MCTP2: variants seen among roughly 807,000 people sequenced by gnomAD.
The protein encoded by MCTP2 is multiple C2 and transmembrane domain containing 2, also known as multiple C2 and transmembrane domain-containing protein 2.
MCTP2 carries 132 observed loss-of-function variants against 111.6 expected under a neutral mutation model. The observed-to-expected ratio is 1.18, with a 90% CI of 1.03 to 1.37. The LOEUF is 1.37. Ranked by LOEUF, MCTP2 falls within the 40% of genes most tolerant of loss-of-function variation. MCTP2 has a pLI of 0.00. For missense variants in MCTP2, 1,183 were observed against 1,067.9 expected (o/e 1.11, Z -1.50); for synonymous variants, 395 against 387.7 (o/e 1.02, Z -0.22).
At chr15:94,409,830 C>G (rs2082072974) in intron 17 of MCTP2, among the ~76,000 whole-genome samples, 1 of 151,682 alleles carries the variant, frequency 6.6e-6, no homozygotes, top group Non-Finnish European at 1.5e-5. Context: ...ACTCGTAAGT[C>G]TATCAACCCT....
chr15:94,399,973 A>ACAG lies in MCTP2; in HGVS notation c.1945_1947dup (p.Ser649dup). The ACAG allele has an allele frequency of 6.2e-7, 1 of 1,614,026 alleles. No homozygotes were observed. Among genetic ancestry groups the ACAG allele is most frequent in the South Asian group, 1.1e-5 (1 of 91,078 alleles). Reference sequence around the variant, plus strand: ...CCCCGGGAAAAGCGCTTTGTTGAAGACAGCCGCAAGCTGTCCAAAAAGGTG... The same window carrying ACAG: ...CCCCGGGAAAAGCGCTTTGTTGAAGACAGCAGCCGCAAGCTGTCCAAAAAGGTG... On this transcript the variant is annotated inframe_insertion, in exon 16 of 23. Transcript: ENST00000357742.
In MCTP2 at chr15:94,476,754, A is replaced by G. The variant is rs747469928; in HGVS notation, c.2529A>G (p.Leu843=). 6.2e-7 allele frequency: 1 copy of G among 1,609,478 alleles called. No individual in the cohort carries two copies. The highest frequency in any genetic ancestry group is 8.5e-7 in the Non-Finnish European group (1 of 1,175,898). The change falls in exon 22 of 23, where the codon CTA becomes CTG. Residue 843 remains leucine, a synonymous_variant. Coordinates refer to ENST00000357742, the MANE Select transcript of MCTP2 (RefSeq NM_001385001.1). ...CCTATTCCATCGACAATAATGAGCT[A>G]CTAGACTTCCTCTCTAGGGTACCGT... The part of the protein sequence containing the change: ...RNPYSIDNNE[L]LDFLSRVPSD...
chr15:94,402,324 A>G lies in MCTP2; in HGVS notation c.2085+305A>G, dbSNP rs2081639791. ...CTTTCTGTGCCAGTGACCGCCCATA[A>G]TTTCTGAAAAATGGCATCTGAAAAA... is the stretch of plus-strand genomic sequence containing the variant. On this transcript the variant is annotated intron_variant, in intron 17 of 22. Transcript: ENST00000357742. 3.0e-6 allele frequency: 3 copies of G among 985,354 alleles called. No homozygotes were observed. The South Asian group carries it at 1.4e-4, about 46-fold the overall frequency. The allele number at this position is 985,354 out of a possible 1,614,324, so 61.0% of individuals were successfully genotyped here.
intron 14 of MCTP2, among the ~76,000 whole-genome samples, chr15:94,397,574 G>A (rs1280599094): frequency 6.6e-6 from 1 of 152,180 alleles, no homozygotes; most frequent in Non-Finnish European, 1.5e-5. Context: ...TCTTTATGGG[G>A]CACCCCCTTC....
At chr15:94,464,720 A>T (rs917753355) in intron 20 of MCTP2, among the ~76,000 whole-genome samples, 2 of 152,006 alleles carry the variant, frequency 1.3e-5, no homozygotes, top group African/African-American at 4.8e-5. Flanking sequence ...TCTCATTATC[A>T]TTCAAATTTA....
At chr15:94,458,047 C>G in intron 19 of MCTP2, 90 bp from the exon 20 acceptor site, 1 of 724,520 alleles carries the variant, frequency 1.4e-6, no homozygotes, top group Non-Finnish European at 2.4e-6. Context: ...TTGGTAAAAA[C>G]CTTGTTATTA....
intron 8 of MCTP2, among the ~76,000 whole-genome samples, chr15:94,347,522 C>G (rs572955257): frequency 6.6e-6 from 1 of 152,096 alleles, no homozygotes; most frequent in East Asian, 1.9e-4. Flanking sequence ...TTTGTAGATT[C>G]TTTTTTTCAA....
At chr15:94,273,562 T>C in intron 1 of MCTP2, 1 of 200,506 alleles carries the variant, frequency 5.0e-6, no homozygotes, top group Non-Finnish European at 1.1e-5. Flanking sequence ...CAATGCCCCC[T>C]CGCAGGTATG....
At chr15:94,268,973 T>C (rs554181219) in intron 1 of MCTP2, among the ~76,000 whole-genome samples, 18 of 152,302 alleles carry the variant, frequency 1.2e-4, no homozygotes, top group African/African-American at 4.1e-4. Context: ...TTTAAACTAT[T>C]AGCATAAGGG....
intron 1 of MCTP2, among the ~76,000 whole-genome samples, chr15:94,244,980 A>G (rs1316418398): frequency 7.0e-6 from 1 of 142,434 alleles, no homozygotes; most frequent in Non-Finnish European, 1.6e-5. Flanking sequence ...ATACACATAC[A>G]TATGCACCTG....
chr15:94,357,417 G>C (rs1280410087), intron 9 of MCTP2, among the ~76,000 whole-genome samples: 1 of 152,114 alleles, frequency 6.6e-6, no homozygotes, highest in African/African-American at 2.4e-5. Flanking sequence ...TAAGGATTTA[G>C]GAAAAATTAT....
chr15:94,256,407 A>C (rs1164496641), intron 1 of MCTP2, among the ~76,000 whole-genome samples: 5 of 152,176 alleles, frequency 3.3e-5, no homozygotes, highest in Admixed American at 6.5e-5. Flanking sequence ...GTAGGAATAA[A>C]ATATACCACC....
chr15:94,267,703 G>A (rs975970105), intron 1 of MCTP2, among the ~76,000 whole-genome samples: 2 of 151,926 alleles, frequency 1.3e-5, no homozygotes, highest in African/African-American at 4.8e-5. Flanking sequence ...TATAATCAAT[G>A]TATGAGAATT....
chr15:94,244,883 C>T (rs539001288), intron 1 of MCTP2, among the ~76,000 whole-genome samples: 105 of 135,214 alleles, frequency 7.8e-4, no homozygotes, highest in East Asian at 1.7e-3. Flanking sequence ...TGTTTATATA[C>T]GTATATGTAT....
intron 18 of MCTP2, 53 bp from the exon 19 acceptor site, chr15:94,442,866 G>T: frequency 6.7e-7 from 1 of 1,483,546 alleles, no homozygotes; most frequent in African/African-American, 1.4e-5. Context: ...AGTTTAATTT[G>T]CATTTGTTAA....
chr15:94,248,375 C>T (rs1043521462), intron 1 of MCTP2, among the ~76,000 whole-genome samples: 1 of 152,170 alleles, frequency 6.6e-6, no homozygotes, highest in Non-Finnish European at 1.5e-5. Flanking sequence ...TAATGGGCCT[C>T]TTCCAGGCAA....
At chr15:94,367,935 G>A (rs576710054) in intron 11 of MCTP2, 144 bp downstream of exon 11, 20 of 685,518 alleles carry the variant, frequency 2.9e-5, no homozygotes, top group African/African-American at 5.7e-5. Context: ...CATAAAACAA[G>A]ACATCAGACT....
chr15:94,279,801 G>A (rs895999273), intron 1 of MCTP2, among the ~76,000 whole-genome samples: 1 of 151,858 alleles, frequency 6.6e-6, no homozygotes, highest in African/African-American at 2.4e-5. Flanking sequence ...GTTTGTTGAG[G>A]GTTTTTAACA....
chr15:94,324,809 TA>T (rs2076786290), intron 4 of MCTP2, among the ~76,000 whole-genome samples: 1 of 152,184 alleles, frequency 6.6e-6, no homozygotes, highest in African/African-American at 2.4e-5. Flanking sequence ...TCTTATTGTT[TA>T]TTATATTATT....
Sources: allele counts gnomAD v4.1 joint callset (sites outside exome capture counted in the v4.1 genomes callset), GRCh38; gene constraint gnomAD v4.1.1; transcripts MANE v1.5; gene names NCBI Gene and HGNC (gene_info 2026-07-23, HGNC 2026-07-21).